PNPLA5: variants seen among roughly 807,000 people sequenced by gnomAD.
PNPLA5 encodes the protein patatin-like phospholipase domain-containing protein 5.
In PNPLA5, 44 loss-of-function variants were observed where a neutral mutation model predicts 49.1. The observed-to-expected ratio is 0.90, with a 90% CI of 0.70 to 1.15. The LOEUF is 1.15. PNPLA5 is among the 50% of genes most tolerant of loss of function. PNPLA5 has a pLI of 0.00. For synonymous variants in PNPLA5, 243 were observed against 244.4 expected (o/e 0.99, Z 0.06); for missense variants, 603 against 564.0 (o/e 1.07, Z -0.70).
At chr22:43,883,047 T>G (rs1379437488) in intron 7 of PNPLA5, among the ~76,000 whole-genome samples, 1 of 152,038 alleles carries the variant, frequency 6.6e-6, no homozygotes, top group East Asian at 1.9e-4. Flanking sequence ...TGGCCTCCCT[T>G]CCTGCTCCTC....
chr22:43,889,865 C>T lies in PNPLA5; in HGVS notation c.427-1G>A, dbSNP rs1428293173. The T allele has an allele frequency of 1.6e-5, 26 of 1,613,590 alleles. No homozygotes were observed. Among genetic ancestry groups the T allele is most frequent in the Non-Finnish European group, 2.2e-5 (26 of 1,179,904 alleles). On this transcript the variant is annotated splice_acceptor_variant, in intron 2 of 8. Transcript: ENST00000216177. LOFTEE classifies it high-confidence loss of function. Reference sequence around the variant, plus strand: ...GAAAGTATAAGGTGCAGACCAAGGCCTAGGAAGAGAAGAGTCAGCAGGAAC... The same window carrying T: ...GAAAGTATAAGGTGCAGACCAAGGCTTAGGAAGAGAAGAGTCAGCAGGAAC...
Position 43,889,804 on chromosome 22 carries a change from C to T in PNPLA5, c.487G>A (p.Gly163Arg). 6.2e-7 allele frequency: 1 copy of T among 1,612,898 alleles called. No homozygotes were observed. Among genetic ancestry groups the T allele is most frequent in the Non-Finnish European group, 8.5e-7 (1 of 1,179,672 alleles). Residue 163 changes from glycine to arginine, a missense_variant, in exon 3 of 9, where the codon GGG becomes AGG. Gly to Arg is a moderately radical substitution (Grantham distance 125, BLOSUM62 -2). Transcript: ENST00000216177. ...YCGLIPPEFR[G>R]ERYIDGALSN... Reference sequence around the variant, plus strand: ...GGGTTCCAGAGTGCACTCACCTCCCCTCTGAACTCGGGGGGGATCAGCCCG... The same window carrying T: ...GGGTTCCAGAGTGCACTCACCTCCCTTCTGAACTCGGGGGGGATCAGCCCG...
Position 43,891,799 on chromosome 22 carries a change from TGGCGCCCACGTGGTG to T in PNPLA5, c.67_81del (p.His23_Ala27del). 4 of 1,526,244 alleles carry T rather than the reference TGGCGCCCACGTGGTG, an allele frequency of 2.6e-6. No individual in the cohort carries two copies. The highest frequency in any genetic ancestry group is 3.5e-6 in the Non-Finnish European group (4 of 1,140,338). The allele number at this position is 1,526,244 out of a possible 1,614,324, so 94.5% of individuals were successfully genotyped here. Reference sequence around the variant, plus strand: ...GGGGCTCGCTGGCGCAGGCATTCGGTGGCGCCCACGTGGTGGGCGCCCAGGTAGCCGGCGCCGGAG... The same window carrying T: ...GGGGCTCGCTGGCGCAGGCATTCGGTGGCGCCCAGGTAGCCGGCGCCGGAG... On this transcript the variant is annotated inframe_deletion, in exon 1 of 9. Transcript: ENST00000216177.
intron 5 of PNPLA5, 134 bp downstream of exon 5, chr22:43,887,457 G>A: frequency 9.1e-7 from 1 of 1,092,926 alleles, no homozygotes. Flanking sequence ...ACTCAGCTCA[G>A]GTCCAGCACA....
At chr22:43,890,121 C>T in intron 2 of PNPLA5, 9 of 980,266 alleles carry the variant, frequency 9.2e-6, no homozygotes, top group Non-Finnish European at 8.5e-6. Flanking sequence ...CTGAGGAAGC[C>T]AGCCGGGGAC....
intron 5 of PNPLA5, 60 bp downstream of exon 5, chr22:43,887,531 C>T (rs2049678028): frequency 5.1e-6 from 8 of 1,573,168 alleles, no homozygotes; most frequent in Non-Finnish European, 6.9e-6. Context: ...GCCCAAGAGG[C>T]AGGGTCTACC....
chr22:43,884,322 C>A lies in PNPLA5; in HGVS notation c.973G>T (p.Asp325Tyr), dbSNP rs1337689844. 6.3e-7 allele frequency: 1 copy of A among 1,592,474 alleles called. No homozygotes were observed. Among genetic ancestry groups the A allele is most frequent in the Non-Finnish European group, 8.6e-7 (1 of 1,169,188 alleles). Residue 325 changes from aspartate to tyrosine, a missense_variant, in exon 7 of 9, where the codon GAT becomes TAT. By Grantham distance (160) the Asp-to-Tyr change is radical. Coordinates refer to ENST00000216177, the MANE Select transcript of PNPLA5 (RefSeq NM_138814.4). The stretch of plus-strand genomic sequence containing the variant: ...CAGAAGCGGGCCCACCGGCTGGGAT[C>A]CCTCGTACATGCTTTCTTCAGTGCT... Reference protein sequence around the residue: ...EAALKKACTRDPSRWARFWHS... With the variant: ...EAALKKACTRYPSRWARFWHS...
chr22:43,887,231 C>T (rs1005395396), intron 5 of PNPLA5, among the ~76,000 whole-genome samples: 1 of 152,136 alleles, frequency 6.6e-6, no homozygotes, highest in Non-Finnish European at 1.5e-5. Context: ...TAGTCAAAAC[C>T]CAGCTTATCT....
chr22:43,881,070 C>A, intron 8 of PNPLA5, 185 bp from the exon 9 acceptor site: 1 of 859,820 alleles, frequency 1.2e-6, no homozygotes, highest in Non-Finnish European at 1.4e-6. Flanking sequence ...GGGATGGCCA[C>A]TCCCCAGAGA....
chr22:43,890,965 C>T, intron 2 of PNPLA5, 97 bp downstream of exon 2: 1 of 1,462,556 alleles, frequency 6.8e-7, no homozygotes, highest in East Asian at 2.5e-5. Flanking sequence ...CTCCTTCCGC[C>T]CCTGCAGAAA....
intron 7 of PNPLA5, among the ~76,000 whole-genome samples, chr22:43,882,950 G>T (rs1159743352): frequency 6.6e-6 from 1 of 152,132 alleles, no homozygotes; most frequent in African/African-American, 2.4e-5. Context: ...CAAAGACCAC[G>T]CTCAGCTGGC....
At chr22:43,890,943 C>T (rs1472934881) in intron 2 of PNPLA5, 119 bp downstream of exon 2, 1 of 1,324,438 alleles carries the variant, frequency 7.6e-7, no homozygotes, top group Non-Finnish European at 1.0e-6. Flanking sequence ...CAAACAGGTC[C>T]ACCCGCCCTC....
At chr22:43,889,932 C>T (rs743935) in intron 2 of PNPLA5, 68 bp from the exon 3 acceptor site, 183,553 of 1,573,718 alleles carry the variant, frequency 0.12, 14,497 homozygotes, top group East Asian at 0.47. Context: ...TTCCTAGGCA[C>T]GGTTTCTAAT....
intron 6 of PNPLA5, among the ~76,000 whole-genome samples, chr22:43,885,657 C>G (rs889163284): frequency 6.6e-6 from 1 of 152,170 alleles, no homozygotes; most frequent in Admixed American, 6.5e-5. Flanking sequence ...TCACCCCCCA[C>G]CATCGTTACA....
At position 43,889,780 on chromosome 22, in the gene PNPLA5, G is replaced by T. The variant is rs2049704085; in HGVS notation, c.492+19C>A. ...CCAGGCTGCCCAGAGCACAGAACGG[G>T]GTTCCAGAGTGCACTCACCTCCCCT... On this transcript the variant is annotated intron_variant, in intron 3 of 8. Coordinates refer to ENST00000216177, the MANE Select transcript of PNPLA5 (RefSeq NM_138814.4). The T allele has an allele frequency of 6.2e-7, 1 of 1,610,138 alleles. No homozygotes were observed. Among genetic ancestry groups the T allele is most frequent in the African/African-American group, 1.3e-5 (1 of 74,810 alleles).
At chr22:43,889,240 G>A (rs929488196) in intron 4 of PNPLA5, 89 bp downstream of exon 4, 115 of 1,436,576 alleles carry the variant, frequency 8.0e-5, no homozygotes, top group African/African-American at 4.2e-4. Context: ...AGGCTCGGGG[G>A]GCAGTGGGGG....
chr22:43,889,210 C>G (rs1322875908), intron 4 of PNPLA5, 119 bp downstream of exon 4: 11 of 1,121,880 alleles, frequency 9.8e-6, no homozygotes, highest in Non-Finnish European at 1.4e-5. Flanking sequence ...AGACTCGGGA[C>G]ATGTGTTGTA....
chr22:43,891,673 C>T lies in PNPLA5; in HGVS notation c.193+15G>A. 6.5e-7 allele frequency: 1 copy of T among 1,527,260 alleles called. No individual in the cohort carries two copies. The highest frequency in any genetic ancestry group is 2.3e-5 in the Admixed American group (1 of 43,828). 94.6% of individuals were successfully genotyped at this position (1,527,260 alleles called of 1,614,324 possible). ...CTGTCCCCGCCCCTTTTCGCCCCCG[C>T]GGTCCGGGACTCACCGACCGACTTG... On this transcript the variant is annotated intron_variant, in intron 1 of 8. Transcript: ENST00000216177.
intron 8 of PNPLA5, among the ~76,000 whole-genome samples, chr22:43,881,231 G>A (rs893216870): frequency 1.3e-5 from 2 of 152,210 alleles, no homozygotes; most frequent in African/African-American, 4.8e-5. Flanking sequence ...CCAAGGTCAC[G>A]TGGGGACGTC....
Sources: gnomAD v4.1 joint callset for allele counts (sites outside exome capture counted in the v4.1 genomes callset) on GRCh38, gnomAD v4.1.1 for gene constraint, MANE v1.5 for transcripts, NCBI Gene and HGNC (gene_info 2026-07-23, HGNC 2026-07-21) for gene names.